CASR: variants seen among roughly 807,000 people sequenced by gnomAD.
The protein encoded by CASR is calcium sensing receptor, also known as extracellular calcium-sensing receptor.
A neutral mutation model predicts 69.1 loss-of-function variants in CASR; 23 were observed. The ratio of observed to expected loss-of-function variants is 0.33; its 90% CI spans 0.24 to 0.47. CASR has a LOEUF of 0.47. CASR is among the 20% of genes least tolerant of loss of function. CASR has a pLI of 1.00. For missense variants in CASR, 924 were observed against 1,356.1 expected, an observed-to-expected ratio of 0.68 and a Z score of 5.00; for synonymous variants, 541 against 544.7, an observed-to-expected ratio of 0.99 and a Z score of 0.10.
chr3:122,266,011 C>G (rs2074689287), intron 4 of CASR, among the ~76,000 whole-genome samples: 1 of 152,114 alleles, frequency 6.6e-6, no homozygotes, highest in South Asian at 2.1e-4. Flanking sequence ...TCCCCATGCT[C>G]TTACCACAGG....
chr3:122,247,999 C>T (rs1184627747), intron 1 of CASR, among the ~76,000 whole-genome samples: 2 of 152,130 alleles, frequency 1.3e-5, no homozygotes, highest in Non-Finnish European at 1.5e-5. Flanking sequence ...CTAAATGAGG[C>T]ATGGACTCCC....
chr3:122,285,328 C>A lies in CASR; in HGVS notation c.*137C>A. The A allele has an allele frequency of 1.3e-6, 1 of 761,570 alleles. No homozygotes were observed. The allele number at this position is 761,570 out of a possible 1,614,324, so 47.2% of individuals were successfully genotyped here. A position where few individuals can be genotyped will look rare whatever the true frequency, so the allele number is the denominator to read the frequency against. Reference sequence around the variant, plus strand: ...ATCAAATGCCCCGAATTTAGTCACACCATCTTAAATGACAGTGAATTGACC... The same window carrying A: ...ATCAAATGCCCCGAATTTAGTCACAACATCTTAAATGACAGTGAATTGACC... On this transcript the variant is annotated 3_prime_UTR_variant, in exon 7 of 7. Coordinates refer to ENST00000639785, the MANE Select transcript of CASR (RefSeq NM_000388.4).
intron 1 of CASR, among the ~76,000 whole-genome samples, chr3:122,237,103 G>C (rs1351411786): frequency 2.9e-5 from 4 of 138,248 alleles, no homozygotes; most frequent in Non-Finnish European, 6.1e-5. Context: ...GTAGCTAACA[G>C]TACTTATGCT....
chr3:122,262,463 G>A (rs928136770), intron 4 of CASR, 51 bp downstream of exon 4: 14 of 1,533,136 alleles, frequency 9.1e-6, no homozygotes, highest in Admixed American at 1.7e-5. Context: ...GCAGAGTTGG[G>A]CTGCAACTCC....
At chr3:122,201,006 T>C (rs1327163821) in intron 1 of CASR, among the ~76,000 whole-genome samples, 2 of 62,262 alleles carry the variant, frequency 3.2e-5, no homozygotes, top group South Asian at 3.8e-4. Context: ...TTTTTTTTTA[T>C]TTTTTTTTTT....
intron 4 of CASR, 86 bp downstream of exon 4, chr3:122,262,498 GA>G: frequency 8.5e-7 from 1 of 1,179,716 alleles, no homozygotes; most frequent in Admixed American, 1.7e-5. Context: ...GTGGTCATTT[GA>G]AAAGGGCAAT....
At chr3:122,232,379 A>C (rs553585760) in intron 1 of CASR, among the ~76,000 whole-genome samples, 1 of 152,176 alleles carries the variant, frequency 6.6e-6, no homozygotes, top group African/African-American at 2.4e-5. Context: ...TTCCTTGAGA[A>C]GTGGTGTTTG....
chr3:122,216,768 A>C (rs928817215), intron 1 of CASR, among the ~76,000 whole-genome samples: 2 of 152,216 alleles, frequency 1.3e-5, no homozygotes, highest in Admixed American at 6.5e-5. Context: ...AGGCTCTGTA[A>C]GTTAGAAAGG....
intron 4 of CASR, among the ~76,000 whole-genome samples, chr3:122,269,240 T>A (rs1468520995): frequency 1.3e-5 from 2 of 152,268 alleles, no homozygotes; most frequent in Non-Finnish European, 2.9e-5. Context: ...CCAATTGAAC[T>A]GGTTAGAACT....
At chr3:122,210,114 A>G (rs1216691639) in intron 1 of CASR, among the ~76,000 whole-genome samples, 12 of 152,366 alleles carry the variant, frequency 7.9e-5, no homozygotes, top group South Asian at 6.2e-4. Flanking sequence ...ATTTATGGCA[A>G]ACCCACAGCC....
chr3:122,206,270 T>G (rs1010496182), intron 1 of CASR, among the ~76,000 whole-genome samples: 1 of 21,616 alleles, frequency 4.6e-5, no homozygotes, highest in South Asian at 6.0e-4. Flanking sequence ...TGATGAGGGT[T>G]TTTTTTTTTA....
chr3:122,203,292 A>G (rs2073975449), intron 1 of CASR, among the ~76,000 whole-genome samples: 1 of 152,198 alleles, frequency 6.6e-6, no homozygotes, highest in African/African-American at 2.4e-5. Flanking sequence ...AGAGACAGTC[A>G]TGGGTTGCTT....
At chr3:122,264,463 G>A (rs1026001743) in intron 4 of CASR, among the ~76,000 whole-genome samples, 1 of 152,294 alleles carries the variant, frequency 6.6e-6, no homozygotes, top group Middle Eastern at 3.4e-3. Context: ...TAGAGTAAGG[G>A]GGGAGTGAAT....
At chr3:122,216,090 T>G (rs1341355366) in intron 1 of CASR, among the ~76,000 whole-genome samples, 2 of 152,236 alleles carry the variant, frequency 1.3e-5, no homozygotes, top group Non-Finnish European at 2.9e-5. Flanking sequence ...TGCAAATGAT[T>G]AAGCCCTATA....
chr3:122,201,609 G>T (rs2073951756), intron 1 of CASR, among the ~76,000 whole-genome samples: 1 of 149,176 alleles, frequency 6.7e-6, no homozygotes, highest in Non-Finnish European at 1.5e-5. Flanking sequence ...TCCCAGACAG[G>T]GCGGCTGGCC....
At chr3:122,194,653 C>A (rs1215300997) in intron 1 of CASR, among the ~76,000 whole-genome samples, 2 of 152,208 alleles carry the variant, frequency 1.3e-5, no homozygotes, top group East Asian at 1.9e-4. Flanking sequence ...TGAGAAGGAA[C>A]TTTTCCTCTA....
At chr3:122,221,669 T>G (rs1443009082) in intron 1 of CASR, among the ~76,000 whole-genome samples, 1 of 152,164 alleles carries the variant, frequency 6.6e-6, no homozygotes, top group East Asian at 1.9e-4. Context: ...CACAAATCTC[T>G]AGTACACCAG....
chr3:122,187,382 A>G (rs1559931287), intron 1 of CASR, among the ~76,000 whole-genome samples: 1 of 152,236 alleles, frequency 6.6e-6, no homozygotes, highest in Non-Finnish European at 1.5e-5. Flanking sequence ...CATTCAAACA[A>G]ATATTTTTAT....
chr3:122,201,877 C>T (rs1447084490), intron 1 of CASR, among the ~76,000 whole-genome samples: 7 of 151,580 alleles, frequency 4.6e-5, no homozygotes, highest in Non-Finnish European at 2.9e-5. Flanking sequence ...CGGGAAGAGG[C>T]GCTCCTCACT....
Sources: gnomAD v4.1 joint callset for allele counts (sites outside exome capture counted in the v4.1 genomes callset) on GRCh38, gnomAD v4.1.1 for gene constraint, MANE v1.5 for transcripts, NCBI Gene and HGNC (gene_info 2026-07-23, HGNC 2026-07-21) for gene names.